Variants in NLRC5 observed in about 807,000 individuals in gnomAD.
NLRC5 encodes protein NLRC5.
A neutral mutation model predicts 206.9 loss-of-function variants in NLRC5; 114 were observed. That is an observed-to-expected ratio of 0.55 (90% CI 0.47 to 0.64). The LOEUF (loss-of-function observed/expected upper bound fraction) is 0.64, where lower values mean the gene tolerates loss of function less well. Ranked by LOEUF, NLRC5 falls within the 30% of genes least tolerant of loss-of-function variation. The probability of loss-of-function intolerance (pLI) is 0.00; values close to 1 mark genes in which losing one functional copy is unlikely to be tolerated. For missense variants in NLRC5, 2,008 were observed against 2,305.5 expected (o/e 0.87, Z 2.64); for synonymous variants, 952 against 962.8 (o/e 0.99, Z 0.21).
At chr16:57,067,628 G>T in intron 35 of NLRC5, 108 bp from the exon 36 acceptor site, 30 of 1,350,680 alleles carry the variant, frequency 2.2e-5, no homozygotes, top group Non-Finnish European at 3.2e-5. Flanking sequence ...TGGCTCAGGG[G>T]AGCTCTTGGG....
intron 32 of NLRC5, among the ~76,000 whole-genome samples, chr16:57,063,318 G>A (rs1369361897): frequency 6.6e-6 from 1 of 151,502 alleles, no homozygotes; most frequent in Non-Finnish European, 1.5e-5. Flanking sequence ...GTTTCACCAT[G>A]TTGGCGAGGC....
chr16:56,992,477 T>A (rs937233038), intron 1 of NLRC5: 4 of 150,186 alleles, frequency 2.7e-5, no homozygotes, highest in Non-Finnish European at 5.9e-5. Flanking sequence ...TTATTTTATT[T>A]TATTTTTTTT....
At chr16:57,074,520 A>G in intron 38 of NLRC5, 80 bp from the exon 39 acceptor site, 1 of 1,245,392 alleles carries the variant, frequency 8.0e-7, no homozygotes, top group Non-Finnish European at 1.2e-6. Context: ...TAGGCTTGCT[A>G]AGCACAGAGG....
chr16:57,056,526 G>A (rs1168858972), intron 27 of NLRC5, among the ~76,000 whole-genome samples: 4 of 152,170 alleles, frequency 2.6e-5, no homozygotes, highest in Non-Finnish European at 5.9e-5. Context: ...CTGAGCTCAG[G>A]TGATCCTCAG....
At position 57,077,479 on chromosome 16, in the gene NLRC5, C is replaced by T. The variant is rs181599772; in HGVS notation, c.4919+100C>T. The T allele has an allele frequency of 1.7e-4, 198 of 1,189,292 alleles. 1 individual carries two copies. The highest frequency in any genetic ancestry group is 1.2e-3 in the Middle Eastern group (5 of 4,038). 73.7% of individuals were successfully genotyped at this position (1,189,292 alleles called of 1,614,324 possible). A position where few individuals can be genotyped will look rare whatever the true frequency, so the allele number is the denominator to read the frequency against. On this transcript the variant is annotated intron_variant, in intron 41 of 48. Coordinates refer to ENST00000688547, the MANE Select transcript of NLRC5 (RefSeq NM_001384950.1). The stretch of plus-strand genomic sequence containing the variant: ...GGCCAGCATGGTAAAATCTCCCCTG[C>T]GCCAACCTCAGTGTCCAGGCAGTGG...
intron 32 of NLRC5, among the ~76,000 whole-genome samples, chr16:57,063,769 C>T (rs893204568): frequency 4.0e-5 from 6 of 151,848 alleles, no homozygotes; most frequent in Non-Finnish European, 8.8e-5. Flanking sequence ...GACGGAGTCT[C>T]GCTCTGTTGC....
intron 26 of NLRC5, 42 bp downstream of exon 26, chr16:57,055,136 GGGGA>G: frequency 6.2e-7 from 1 of 1,607,558 alleles, no homozygotes; most frequent in South Asian, 1.1e-5. Context: ...AGTTGATGTT[GGGGA>G]CCAGTAGATC....
intron 13 of NLRC5, chr16:57,034,455 C>T (rs1179160082): frequency 2.7e-5 from 15 of 562,006 alleles, no homozygotes; most frequent in East Asian, 2.4e-4. Flanking sequence ...CATGCCTCCT[C>T]GCATTCACTC....
chr16:57,079,046 C>T lies in NLRC5; in HGVS notation c.5082-4C>T. 6.2e-7 allele frequency: 1 copy of T among 1,613,716 alleles called. No homozygotes were observed. Among genetic ancestry groups the T allele is most frequent in the Non-Finnish European group, 8.5e-7 (1 of 1,179,684 alleles). On this transcript the variant is annotated splice_region_variant and splice_polypyrimidine_tract_variant and intron_variant, in intron 43 of 48. Transcript: ENST00000688547. ...GCTCCTCTCACCCTCTCCTCTTTCC[C>T]CAGCCTACCATTCAGCCATCTGGGC...
chr16:57,025,992 A>AGCTG lies in NLRC5; in HGVS notation c.1050_1053dup (p.Pro352AlafsTer18). 1 of 1,614,050 alleles carries AGCTG rather than the reference A, an allele frequency of 6.2e-7. No individual in the cohort carries two copies. The highest frequency in any genetic ancestry group is 8.5e-7 in the Non-Finnish European group (1 of 1,180,018). On this transcript the variant is annotated frameshift_variant, in exon 6 of 49. Coordinates refer to ENST00000688547, the MANE Select transcript of NLRC5 (RefSeq NM_001384950.1). LOFTEE classifies it high-confidence loss of function. The stretch of plus-strand genomic sequence containing the variant: ...GTGATGGCTACCTCCCGTCCAGGGA[A>AGCTG]GCTGCCTGCCTGCCTGCCTGCAGAG...
Position 57,025,856 on chromosome 16 carries a change from A to G in NLRC5, c.913A>G (p.Ile305Val). The change falls in exon 6 of 49, where the codon ATC becomes GTC. Residue 305 changes from isoleucine (I) to valine (V), a missense_variant. Physicochemically the swap from Ile to Val is conservative, Grantham distance 29. Coordinates refer to ENST00000688547, the MANE Select transcript of NLRC5 (RefSeq NM_001384950.1). The stretch of plus-strand genomic sequence containing the variant: ...GAAGAACGCTGACCAAGTCCTGCTG[A>G]TCTTTGATGGGCTAGATGAGGCCCT... ...LEKNADQVLLIFDGLDEALQP... is the reference protein window; with the variant it reads ...LEKNADQVLLVFDGLDEALQP... 1.2e-6 allele frequency: 2 copies of G among 1,614,190 alleles called. No individual in the cohort carries two copies. Among genetic ancestry groups the G allele is most frequent in the Non-Finnish European group, 1.7e-6 (2 of 1,180,040 alleles).
rs148873682 is a variant in NLRC5 at position 57,041,558 on chromosome 16, G to A, written c.3013G>A (p.Gly1005Ser). The change falls in exon 18 of 49, where the codon GGT becomes AGT. Residue 1005 changes from glycine (G) to serine (S), a missense_variant. Transcript: ENST00000688547. ...CKALGGSCHLGHLHLDFSGNA... is the reference protein window; with the variant it reads ...CKALGGSCHLSHLHLDFSGNA... ...GGCTCTGGGAGGAAGCTGCCACCTCGGTCACCTCCACCTCGAGTGAGTGGT... is the reference window on the plus strand; with the variant it reads ...GGCTCTGGGAGGAAGCTGCCACCTCAGTCACCTCCACCTCGAGTGAGTGGT... 1.2e-5 allele frequency: 20 copies of A among 1,613,944 alleles called. No homozygotes were observed. Among genetic ancestry groups the A allele is most frequent in the South Asian group, 9.9e-5 (9 of 91,082 alleles).
At chr16:57,016,113 G>A (rs780815078) in intron 1 of NLRC5, among the ~76,000 whole-genome samples, 20 of 151,818 alleles carry the variant, frequency 1.3e-4, no homozygotes, top group Non-Finnish European at 1.3e-4. Context: ...TACTCGGGAG[G>A]CTGAGGCATG....
At chr16:57,036,904 C>T (rs2062656859) in intron 14 of NLRC5, among the ~76,000 whole-genome samples, 1 of 151,990 alleles carries the variant, frequency 6.6e-6, no homozygotes, top group East Asian at 1.9e-4. Context: ...ATAGTCAGGG[C>T]TCAGAAAATG....
intron 21 of NLRC5, among the ~76,000 whole-genome samples, chr16:57,046,295 G>C (rs2063963912): frequency 6.6e-6 from 1 of 152,224 alleles, no homozygotes; most frequent in South Asian, 2.1e-4. Context: ...ACAGGAACAA[G>C]CTGCTGGCTT....
At chr16:57,006,888 C>CATT (rs9302685) in intron 1 of NLRC5, among the ~76,000 whole-genome samples, 17,665 of 143,968 alleles carry the variant, frequency 0.12, 1,268 homozygotes, top group African/African-American at 0.2. Context: ...ACCGTTAACA[C>CATT]ATTATTATTA....
intron 43 of NLRC5, among the ~76,000 whole-genome samples, chr16:57,078,760 C>A (rs1293262821): frequency 6.6e-6 from 1 of 152,130 alleles, no homozygotes; most frequent in African/African-American, 2.4e-5. Flanking sequence ...CGTGAGCCAC[C>A]ATGGCTGGCT....
chr16:57,011,033 G>A (rs978427039), intron 1 of NLRC5, among the ~76,000 whole-genome samples: 1 of 152,158 alleles, frequency 6.6e-6, no homozygotes, highest in South Asian at 2.1e-4. Context: ...CCTGTCATCA[G>A]TTTCCTGTGT....
At position 57,081,166 on chromosome 16, in the gene NLRC5, G is replaced by A. The variant is rs550354139; in HGVS notation, c.5390G>A (p.Arg1797Gln). 108 of 1,542,364 alleles carry A rather than the reference G, an allele frequency of 7.0e-5. No individual in the cohort carries two copies. Among genetic ancestry groups the A allele is most frequent in the East Asian group, 2.2e-4 (9 of 41,062 alleles). The change falls in exon 47 of 49, where the codon CGG becomes CAG. Residue 1797 changes from arginine to glutamine, a missense_variant. Transcript: ENST00000688547. ...ELAQVLPQMG[R>Q]LKRVDLEKNQ... ...GCCCAGGTGCTGCCGCAGATGGGCC[G>A]GCTGAAGAGAGTGGAGTATGAGGGG...
Sources: allele counts gnomAD v4.1 joint callset (sites outside exome capture counted in the v4.1 genomes callset), GRCh38; gene constraint gnomAD v4.1.1; transcripts MANE v1.5; gene names NCBI Gene and HGNC (gene_info 2026-07-23, HGNC 2026-07-21).